The following LDLRAD3 variants were observed in gnomAD, a reference collection of about 807,000 sequenced individuals.
The protein encoded by LDLRAD3 is low density lipoprotein receptor class A domain containing 3, also known as low-density lipoprotein receptor class A domain-containing protein 3.
A neutral mutation model predicts 29.4 loss-of-function variants in LDLRAD3; 20 were observed. That is an observed-to-expected ratio of 0.68 (90% CI 0.48 to 0.99). The LOEUF is 0.99. Among genes scored for constraint, LDLRAD3 ranks in the 50% least tolerant of loss-of-function variants. LDLRAD3 has a pLI of 0.00. For synonymous variants in LDLRAD3, 157 were observed against 192.7 expected (o/e 0.81, Z 1.53); for missense variants, 420 against 454.3 (o/e 0.92, Z 0.69).
intron 1 of LDLRAD3, among the ~76,000 whole-genome samples, chr11:35,965,668 G>A (rs1461742705): frequency 6.6e-6 from 1 of 152,156 alleles, no homozygotes; most frequent in Non-Finnish European, 1.5e-5. Flanking sequence ...GGGGGAATAA[G>A]ATTTATTTAG....
At chr11:36,103,158 C>A (rs187961124) in intron 4 of LDLRAD3, among the ~76,000 whole-genome samples, 1 of 152,010 alleles carries the variant, frequency 6.6e-6, no homozygotes, top group East Asian at 1.9e-4. Context: ...AGGCCCCGGG[C>A]AGTCATCATT....
intron 4 of LDLRAD3, among the ~76,000 whole-genome samples, chr11:36,205,259 A>G (rs987862232): frequency 3.3e-5 from 5 of 152,178 alleles, no homozygotes; most frequent in African/African-American, 1.2e-4. Context: ...TTTGACTGTC[A>G]TCATTATGAA....
chr11:36,184,122 C>T, intron 4 of LDLRAD3: 1 of 204,498 alleles, frequency 4.9e-6, no homozygotes, highest in Non-Finnish European at 1.0e-5. Context: ...TGCGCTACCA[C>T]ACCCAGCTAA....
At chr11:36,031,408 T>C (rs1212262866) in intron 1 of LDLRAD3, among the ~76,000 whole-genome samples, 1 of 152,174 alleles carries the variant, frequency 6.6e-6, no homozygotes, top group Non-Finnish European at 1.5e-5. Context: ...TAACTATGTA[T>C]GTACAGATTC....
chr11:35,984,592 G>A (rs763794985), intron 1 of LDLRAD3, among the ~76,000 whole-genome samples: 10 of 152,288 alleles, frequency 6.6e-5, no homozygotes, highest in Admixed American at 2.0e-4. Context: ...CACCAAGCAG[G>A]CTCTGGGGCT....
chr11:36,145,095 C>T lies in LDLRAD3; in HGVS notation c.454+46634C>T, dbSNP rs538269011. ...CCTCTGCCCGGCCAGCCGCCCCGTC[C>T]GGGAGGGAGGTTGGGGGGTCAGCCC... On this transcript the variant is annotated intron_variant, in intron 4 of 5. Transcript: ENST00000315571. Among the ~76,000 whole-genome samples, 494 of 93,324 alleles carry T rather than the reference C, an allele frequency of 5.3e-3. 43 individuals carry two copies. The highest frequency in any genetic ancestry group is 9.0e-3 in the Non-Finnish European group (411 of 45,840). 61.2% of individuals were successfully genotyped at this position (93,324 alleles called of 152,430 possible). A position where few individuals can be genotyped will look rare whatever the true frequency, so the allele number is the denominator to read the frequency against.
At chr11:35,967,615 A>G (rs1565130586) in intron 1 of LDLRAD3, 5 of 459,334 alleles carry the variant, frequency 1.1e-5, no homozygotes, top group South Asian at 5.1e-5. Context: ...AATCAGCTTC[A>G]TTTTCAACTT....
intron 4 of LDLRAD3, among the ~76,000 whole-genome samples, chr11:36,118,805 G>A (rs1374983819): frequency 3.9e-5 from 6 of 151,948 alleles, no homozygotes; most frequent in African/African-American, 1.5e-4. Flanking sequence ...ACTTCAGAAA[G>A]AAACCCCCAT....
chr11:35,982,221 T>C (rs1851550621), intron 1 of LDLRAD3, among the ~76,000 whole-genome samples: 1 of 152,190 alleles, frequency 6.6e-6, no homozygotes, highest in South Asian at 2.1e-4. Flanking sequence ...GAGAATCTGT[T>C]CCGTGCCTTT....
In LDLRAD3 at chr11:36,098,513, A is replaced by C. The variant is rs139260068; in HGVS notation, c.454+52A>C. 9.4e-6 allele frequency: 15 copies of C among 1,602,220 alleles called. No individual in the cohort carries two copies. In the African/African-American group the frequency reaches 1.9e-4, roughly 20 times the overall value. On this transcript the variant is annotated intron_variant, in intron 4 of 5. Transcript: ENST00000315571. ...ATAATTGCAACACAACACTGCAGTAATGGAACACCCTGAAAGGCAGAAAGC... is the reference window on the plus strand; with the variant it reads ...ATAATTGCAACACAACACTGCAGTACTGGAACACCCTGAAAGGCAGAAAGC...
intron 1 of LDLRAD3, among the ~76,000 whole-genome samples, chr11:35,974,992 A>G (rs12288776): frequency 0.015 from 2,338 of 152,302 alleles, 63 homozygotes; most frequent in African/African-American, 0.053. Flanking sequence ...AGTAAATGCA[A>G]TGGGGCTGAG....
intron 1 of LDLRAD3, among the ~76,000 whole-genome samples, chr11:36,007,712 G>T (rs1002864552): frequency 6.6e-6 from 1 of 152,188 alleles, no homozygotes; most frequent in South Asian, 2.1e-4. Flanking sequence ...CTCTGGGGGA[G>T]ACTCGTGTTA....
chr11:35,971,792 A>G (rs899956789), intron 1 of LDLRAD3, among the ~76,000 whole-genome samples: 8 of 152,154 alleles, frequency 5.3e-5, no homozygotes, highest in Non-Finnish European at 8.8e-5. Context: ...AACTCACAGG[A>G]AAGAGGAAGG....
chr11:36,022,152 C>T (rs972102652), intron 1 of LDLRAD3, among the ~76,000 whole-genome samples: 5 of 152,164 alleles, frequency 3.3e-5, no homozygotes, highest in African/African-American at 9.7e-5. Context: ...TTCATCTCGC[C>T]TGGTATGATT....
intron 4 of LDLRAD3, among the ~76,000 whole-genome samples, chr11:36,156,634 C>T (rs181977798): frequency 6.6e-6 from 1 of 152,358 alleles, no homozygotes; most frequent in East Asian, 1.9e-4. Context: ...ACTGTCTCAA[C>T]ACTCACACCC....
intron 4 of LDLRAD3, among the ~76,000 whole-genome samples, chr11:36,116,191 G>C (rs896813182): frequency 6.6e-6 from 1 of 152,162 alleles, no homozygotes; most frequent in African/African-American, 2.4e-5. Context: ...GCAACCATCA[G>C]AGCTACCAGC....
intron 4 of LDLRAD3, among the ~76,000 whole-genome samples, chr11:36,199,603 G>A (rs574885530): frequency 3.1e-4 from 39 of 127,198 alleles, no homozygotes; most frequent in East Asian, 9.2e-4. Context: ...GCACGCGTGC[G>A]CGCACACGCT....
intron 4 of LDLRAD3, among the ~76,000 whole-genome samples, chr11:36,115,540 A>G (rs1175082014): frequency 6.6e-6 from 1 of 152,108 alleles, no homozygotes; most frequent in Non-Finnish European, 1.5e-5. Flanking sequence ...GTCAAAGATG[A>G]CCACTCCCTG....
intron 1 of LDLRAD3, among the ~76,000 whole-genome samples, chr11:35,982,350 A>G (rs1851552396): frequency 6.6e-6 from 1 of 151,824 alleles, no homozygotes; most frequent in East Asian, 1.9e-4. Flanking sequence ...CTCTCTCTGT[A>G]CAGGTCTGTC....
Sources: gnomAD v4.1 joint callset for allele counts (sites outside exome capture counted in the v4.1 genomes callset) on GRCh38, gnomAD v4.1.1 for gene constraint, MANE v1.5 for transcripts, NCBI Gene and HGNC (gene_info 2026-07-23, HGNC 2026-07-21) for gene names.